MAP3K5: variants seen among roughly 807,000 people sequenced by gnomAD.
MAP3K5 encodes mitogen-activated protein kinase kinase kinase 5.
MAP3K5 carries 56 observed loss-of-function variants against 158.7 expected under a neutral mutation model. The observed-to-expected ratio is 0.35, with a 90% confidence interval of 0.28 to 0.44. MAP3K5 has a LOEUF of 0.44. Ranked by LOEUF, MAP3K5 falls within the 20% of genes least tolerant of loss-of-function variation. The pLI, the probability that MAP3K5 is intolerant of heterozygous loss-of-function variation, is 1.00. For missense variants in MAP3K5, 1,294 were observed against 1,674.8 expected (o/e 0.77, Z 3.97); for synonymous variants, 579 against 601.7 (o/e 0.96, Z 0.55).
chr6:136,673,253 CA>C (rs1779561722), intron 7 of MAP3K5, among the ~76,000 whole-genome samples: 1 of 152,120 alleles, frequency 6.6e-6, no homozygotes, highest in Non-Finnish European at 1.5e-5. Flanking sequence ...TTGAAGTAAT[CA>C]GCTTCTTACC....
intron 26 of MAP3K5, among the ~76,000 whole-genome samples, chr6:136,564,340 T>C (rs1374836654): frequency 6.6e-6 from 1 of 151,778 alleles, no homozygotes; most frequent in Non-Finnish European, 1.5e-5. Flanking sequence ...CAATAAGAGG[T>C]AGACAGAGAA....
At position 136,772,303 on chromosome 6, in the gene MAP3K5, T is replaced by C. The variant is rs748489999; in HGVS notation, c.448+19407A>G. Among the ~76,000 whole-genome samples, 2 of 152,184 alleles carry C rather than the reference T, an allele frequency of 1.3e-5. 1 individual carries two copies. Among genetic ancestry groups the C allele is most frequent in the Admixed American group, 1.3e-4 (2 of 15,288 alleles). On this transcript the variant is annotated intron_variant, in intron 1 of 29. Transcript: ENST00000359015. Reference sequence around the variant, plus strand: ...GCATATTAAGTATATGAAATGTTTCTATGCAAATGTGTTCCTTCCTACCCT... The same window carrying C: ...GCATATTAAGTATATGAAATGTTTCCATGCAAATGTGTTCCTTCCTACCCT...
intron 1 of MAP3K5, among the ~76,000 whole-genome samples, chr6:136,725,475 T>C (rs1307613257): frequency 3.9e-5 from 6 of 152,264 alleles, no homozygotes; most frequent in Non-Finnish European, 7.3e-5. Context: ...CATCTTTTCA[T>C]GTGCTTATTT....
chr6:136,730,149 G>A (rs1782148379), intron 1 of MAP3K5, among the ~76,000 whole-genome samples: 2 of 120,086 alleles, frequency 1.7e-5, no homozygotes, highest in Non-Finnish European at 3.2e-5. Flanking sequence ...TTTGTTGTTT[G>A]GTTGTTTTTT....
intron 7 of MAP3K5, among the ~76,000 whole-genome samples, chr6:136,693,799 G>C (rs1375291710): frequency 6.6e-6 from 1 of 152,062 alleles, no homozygotes; most frequent in African/African-American, 2.4e-5. Flanking sequence ...AGACCAGCCT[G>C]GCCAACAGGG....
intron 1 of MAP3K5, among the ~76,000 whole-genome samples, chr6:136,770,907 T>A (rs968989075): frequency 1.3e-5 from 2 of 152,248 alleles, no homozygotes; most frequent in South Asian, 4.1e-4. Flanking sequence ...AGGAAAAATA[T>A]AATAAATTTT....
At chr6:136,759,725 A>G (rs1783660618) in intron 1 of MAP3K5, among the ~76,000 whole-genome samples, 2 of 149,264 alleles carry the variant, frequency 1.3e-5, no homozygotes, top group Non-Finnish European at 3.0e-5. Context: ...TGCTCACCTC[A>G]GGATTATAGG....
chr6:136,712,036 C>T (rs1259722421), intron 2 of MAP3K5, among the ~76,000 whole-genome samples: 3 of 151,900 alleles, frequency 2.0e-5, no homozygotes, highest in South Asian at 2.1e-4. Context: ...GAATTCTAGC[C>T]TCTCTTTTCC....
At chr6:136,618,730 T>A (rs1184896337) in intron 15 of MAP3K5, among the ~76,000 whole-genome samples, 1 of 152,218 alleles carries the variant, frequency 6.6e-6, no homozygotes, top group East Asian at 1.9e-4. Context: ...ATATATTACC[T>A]AGGTATTTAA....
At chr6:136,580,275 G>A (rs779490243) in intron 25 of MAP3K5, 26 bp downstream of exon 25, 54 of 1,422,476 alleles carry the variant, frequency 3.8e-5, no homozygotes, top group Admixed American at 6.7e-5. Context: ...CACTAAATAT[G>A]TGCAGAGTAA....
chr6:136,672,527 C>T (rs1228606811), intron 7 of MAP3K5, among the ~76,000 whole-genome samples: 1 of 152,164 alleles, frequency 6.6e-6, no homozygotes, highest in African/African-American at 2.4e-5. Context: ...CCGAAGGAGT[C>T]CCAAATGTGT....
intron 12 of MAP3K5, among the ~76,000 whole-genome samples, chr6:136,640,544 A>C (rs1777878207): frequency 6.6e-6 from 1 of 152,170 alleles, no homozygotes; most frequent in African/African-American, 2.4e-5. Context: ...CTTCTGCCCT[A>C]AACAGAAAGA....
intron 1 of MAP3K5, among the ~76,000 whole-genome samples, chr6:136,736,448 A>G (rs1442917071): frequency 3.3e-5 from 5 of 152,170 alleles, no homozygotes; most frequent in Admixed American, 6.5e-5. Context: ...TTTCATTCCT[A>G]GCGTACGTGT....
chr6:136,754,175 A>T (rs938081959), intron 1 of MAP3K5, among the ~76,000 whole-genome samples: 3 of 152,112 alleles, frequency 2.0e-5, no homozygotes, highest in African/African-American at 7.2e-5. Context: ...CAGGAGGCTA[A>T]GGCAGGAGAA....
At chr6:136,665,793 A>G (rs1779205227) in intron 8 of MAP3K5, among the ~76,000 whole-genome samples, 1 of 152,170 alleles carries the variant, frequency 6.6e-6, no homozygotes, top group Non-Finnish European at 1.5e-5. Context: ...GTGGTTGGTG[A>G]TAGATTTTGT....
chr6:136,672,506 C>T (rs1779526080), intron 7 of MAP3K5, among the ~76,000 whole-genome samples: 1 of 152,136 alleles, frequency 6.6e-6, no homozygotes, highest in Non-Finnish European at 1.5e-5. Flanking sequence ...TTTGGCACGA[C>T]AGAATGAAAC....
At chr6:136,585,147 T>C (rs911693028) in intron 23 of MAP3K5, among the ~76,000 whole-genome samples, 5 of 151,496 alleles carry the variant, frequency 3.3e-5, no homozygotes, top group African/African-American at 1.2e-4. Context: ...GGGCCTCTCT[T>C]TGTCACCCAG....
chr6:136,756,552 G>A (rs549921742), intron 1 of MAP3K5, among the ~76,000 whole-genome samples: 8 of 152,136 alleles, frequency 5.3e-5, no homozygotes, highest in Admixed American at 2.6e-4. Flanking sequence ...TGCAACCTCC[G>A]CCTCCCGGAA....
At chr6:136,633,467 T>C (rs1165027730) in intron 14 of MAP3K5, among the ~76,000 whole-genome samples, 4 of 151,770 alleles carry the variant, frequency 2.6e-5, no homozygotes, top group African/African-American at 9.7e-5. Context: ...ACTTAAGGAA[T>C]GAAGTCATCT....
Sources: allele counts gnomAD v4.1 joint callset (sites outside exome capture counted in the v4.1 genomes callset), GRCh38; gene constraint gnomAD v4.1.1; transcripts MANE v1.5; gene names NCBI Gene and HGNC (gene_info 2026-07-23, HGNC 2026-07-21).